The following SORL1 variants were observed in gnomAD, a reference collection of about 807,000 sequenced individuals.
SORL1 encodes sortilin related receptor 1.
A neutral mutation model predicts 273.7 loss-of-function variants in SORL1; 127 were observed. The observed-to-expected ratio is 0.46, with a 90% CI of 0.40 to 0.54. The LOEUF (loss-of-function observed/expected upper bound fraction) is 0.54, where lower values mean the gene tolerates loss of function less well. SORL1 is among the 20% of genes least tolerant of loss of function. The pLI is 0.00. For missense variants in SORL1, 2,494 were observed against 2,846.1 expected (o/e 0.88, Z 2.81); for synonymous variants, 1,031 against 1,067.4 (o/e 0.97, Z 0.66).
intron 12 of SORL1, among the ~76,000 whole-genome samples, chr11:121,534,892 A>G (rs1239579915): frequency 6.6e-6 from 1 of 152,210 alleles, no homozygotes; most frequent in Non-Finnish European, 1.5e-5. Flanking sequence ...TAGCATGTAT[A>G]GGCTGTCCCA....
At chr11:121,454,028 G>A (rs1301516583) in intron 1 of SORL1, among the ~76,000 whole-genome samples, 1 of 152,250 alleles carries the variant, frequency 6.6e-6, no homozygotes, top group Non-Finnish European at 1.5e-5. Flanking sequence ...AACTAATGGT[G>A]GCCACAGGCT....
intron 27 of SORL1, among the ~76,000 whole-genome samples, chr11:121,586,697 G>GC (rs1298141046): frequency 5.2e-4 from 5 of 9,652 alleles, no homozygotes; most frequent in Non-Finnish European, 1.5e-3. Context: ...GTAGAGTGGG[G>GC]GGGGGGGCGG....
At chr11:121,539,499 T>C (rs1209661503) in intron 12 of SORL1, among the ~76,000 whole-genome samples, 3 of 152,236 alleles carry the variant, frequency 2.0e-5, no homozygotes, top group Non-Finnish European at 2.9e-5. Context: ...TCTTTAAGTC[T>C]TTCAGTTCCT....
chr11:121,525,765 G>T (rs1862112010), intron 11 of SORL1, among the ~76,000 whole-genome samples: 1 of 152,198 alleles, frequency 6.6e-6, no homozygotes, highest in South Asian at 2.1e-4. Flanking sequence ...AAAAAATTGG[G>T]TTGGTCCAGC....
chr11:121,471,915 C>T (rs1451580746), intron 2 of SORL1, among the ~76,000 whole-genome samples: 1 of 152,154 alleles, frequency 6.6e-6, no homozygotes, highest in African/African-American at 2.4e-5. Flanking sequence ...GGGGCAATGA[C>T]TTTGGCCCAT....
At chr11:121,578,289 T>C (rs1056010010) in intron 25 of SORL1, among the ~76,000 whole-genome samples, 19 of 152,202 alleles carry the variant, frequency 1.2e-4, no homozygotes, top group Admixed American at 7.8e-4. Flanking sequence ...TCAGACTTCA[T>C]TGTGTAATTC....
At chr11:121,537,926 G>A (rs557043378) in intron 12 of SORL1, among the ~76,000 whole-genome samples, 12 of 152,272 alleles carry the variant, frequency 7.9e-5, no homozygotes, top group African/African-American at 2.4e-4. Flanking sequence ...CTGAGTGTCT[G>A]CCATTTCATG....
At chr11:121,577,160 G>T in intron 24 of SORL1, 121 bp from the exon 25 acceptor site, 1 of 1,326,902 alleles carries the variant, frequency 7.5e-7, no homozygotes. Context: ...TTCGTTCATG[G>T]TCTCTGTGGA....
intron 2 of SORL1, 86 bp from the exon 3 acceptor site, chr11:121,478,032 C>CAA (rs55896588): frequency 8.6e-4 from 898 of 1,047,344 alleles, no homozygotes; most frequent in East Asian, 1.4e-3. Flanking sequence ...AACTCAGTCT[C>CAA]AAAAAAAAAA....
rs918852952 is a variant in SORL1 at position 121,596,683 on chromosome 11, G to A, written c.4519+911G>A. The stretch of plus-strand genomic sequence containing the variant: ...CACTCCCTTCCTTGCCAGGATAAGG[G>A]CTTCGTCCGTGCTTGCCTGATTCCT... On this transcript the variant is annotated intron_variant, in intron 32 of 47. Coordinates refer to ENST00000260197, the MANE Select transcript of SORL1 (RefSeq NM_003105.6). The surrounding 1 kb of genome is among the most constrained non-coding windows in gnomAD (Gnocchi z 4.3). 6.6e-6 allele frequency among the ~76,000 whole-genome samples: 1 copy of A among 152,178 alleles called. No individual in the cohort carries two copies. The highest frequency in any genetic ancestry group is 1.5e-5 in the Non-Finnish European group (1 of 68,022).
rs1863819368 is a variant in SORL1, at chr11:121,627,787, T to A, written c.6577+20T>A. The A allele has an allele frequency of 6.3e-7, 1 of 1,582,420 alleles. No individual in the cohort carries two copies. Among genetic ancestry groups the A allele is most frequent in the East Asian group, 2.2e-5 (1 of 44,674 alleles). On this transcript the variant is annotated intron_variant, in intron 47 of 47. Coordinates refer to ENST00000260197, the MANE Select transcript of SORL1 (RefSeq NM_003105.6). The surrounding 1 kb of genome is among the most constrained non-coding windows in gnomAD (Gnocchi z 4.9). ...ACCTGGGTAAGTGGGGCAGGGAGAGTCGGTTCTTCCTCCCAGGGCTGACCC... is the reference window on the plus strand; with the variant it reads ...ACCTGGGTAAGTGGGGCAGGGAGAGACGGTTCTTCCTCCCAGGGCTGACCC...
chr11:121,552,983 A>T (rs763648936), intron 16 of SORL1, among the ~76,000 whole-genome samples: 1 of 152,262 alleles, frequency 6.6e-6, no homozygotes, highest in Non-Finnish European at 1.5e-5. Context: ...AAGACAGTGT[A>T]CTGGGTCTTC....
At chr11:121,496,728 A>G (rs542568251) in intron 5 of SORL1, 141 bp from the exon 6 acceptor site, 2 of 659,306 alleles carry the variant, frequency 3.0e-6, no homozygotes, top group African/African-American at 1.8e-5. Context: ...CCAAAGGGAT[A>G]TGTTTGAGGC....
At chr11:121,613,692 C>T (rs190503698) in intron 40 of SORL1, among the ~76,000 whole-genome samples, 128 of 152,284 alleles carry the variant, frequency 8.4e-4, no homozygotes, top group Non-Finnish European at 1.2e-3. Flanking sequence ...GAGATATGCC[C>T]GCTTTACAGA....
chr11:121,544,412 C>T (rs1268157407), intron 13 of SORL1, among the ~76,000 whole-genome samples: 1 of 152,178 alleles, frequency 6.6e-6, no homozygotes, highest in African/African-American at 2.4e-5. Context: ...TAAGTGTATG[C>T]ATAACTTTGT....
intron 16 of SORL1, 106 bp from the exon 17 acceptor site, chr11:121,553,831 C>G: frequency 9.3e-7 from 1 of 1,079,252 alleles, no homozygotes; most frequent in Non-Finnish European, 1.4e-6. Flanking sequence ...ACACCACATG[C>G]CAATGAATTT....
At chr11:121,478,442 C>A (rs978069462) in intron 3 of SORL1, among the ~76,000 whole-genome samples, 199 bp downstream of exon 3, 13 of 152,148 alleles carry the variant, frequency 8.5e-5, no homozygotes, top group African/African-American at 2.9e-4. Context: ...ATCAGGCAGG[C>A]CAAGGACTGG....
Position 121,583,492 on chromosome 11 carries a change from G to C in SORL1, c.3615G>C (p.Gln1205His). ...ACACCTGTGAGGCCTCCAACTTCCA[G>C]TGCCGAAACGGGCACTGCATCCCCC... ...IYHTCEASNF[Q>H]CRNGHCIPQR... is the part of the protein sequence containing the mutation. Residue 1205 changes from glutamine (Q) to histidine (H), a missense_variant, in exon 26 of 48, where the codon CAG (glutamine) becomes CAC (histidine). Around this residue, in one of 3 missense-constraint regions of SORL1, gnomAD observed 1,609 missense variants for 1,816.4 expected, o/e 0.89. Transcript: ENST00000260197. 6.2e-7 allele frequency: 1 copy of C among 1,613,068 alleles called. No individual in the cohort carries two copies. The highest frequency in any genetic ancestry group is 8.5e-7 in the Non-Finnish European group (1 of 1,179,570).
intron 32 of SORL1, among the ~76,000 whole-genome samples, chr11:121,602,949 C>G (rs1253515601): frequency 6.6e-6 from 1 of 152,184 alleles, no homozygotes; most frequent in Non-Finnish European, 1.5e-5. Flanking sequence ...TGTTCAGCCT[C>G]CTTTTGTCTG....
Sources: allele counts gnomAD v4.1 joint callset (sites outside exome capture counted in the v4.1 genomes callset), GRCh38; gene constraint gnomAD v4.1.1; regional missense constraint gnomAD v4.1.1; non-coding constraint Gnocchi (gnomAD v3.1); transcripts MANE v1.5; gene names NCBI Gene and HGNC (gene_info 2026-07-23, HGNC 2026-07-21).